Variants in EXOC3L2 observed in about 807,000 individuals in gnomAD.
The protein encoded by EXOC3L2 is exocyst complex component 3 like 2, also known as exocyst complex component 3-like protein 2.
Under a neutral mutation model 44.4 loss-of-function variants are expected in EXOC3L2, and 17 were observed. That is an observed-to-expected ratio of 0.38 (90% CI 0.26 to 0.57). The LOEUF is 0.57. Among genes scored for constraint, EXOC3L2 ranks in the 20% least tolerant of loss-of-function variants. EXOC3L2 has a pLI of 0.65. For missense variants in EXOC3L2, 541 were observed against 588.4 expected (o/e 0.92, Z 0.83); for synonymous variants, 256 against 253.7 (o/e 1.01, Z -0.09).
chr19:45,241,739 C>T (rs1970133610), intron 1 of EXOC3L2, among the ~76,000 whole-genome samples: 1 of 152,188 alleles, frequency 6.6e-6, no homozygotes, highest in Non-Finnish European at 1.5e-5. Flanking sequence ...ACTCACACTT[C>T]AGGACTCAGC....
intron 8 of EXOC3L2, among the ~76,000 whole-genome samples, chr19:45,222,295 G>T (rs1206540589): frequency 6.7e-6 from 1 of 148,852 alleles, no homozygotes; most frequent in African/African-American, 2.5e-5. Context: ...TGCCTCCCAC[G>T]TTCAAGCGAT....
intron 8 of EXOC3L2, 67 bp from the exon 9 acceptor site, chr19:45,218,386 G>C: frequency 1.5e-6 from 2 of 1,370,298 alleles, no homozygotes; most frequent in Non-Finnish European, 9.6e-7. Context: ...TTAGGAATAA[G>C]TTCCTGCAAC....
chr19:45,213,085 G>A lies in EXOC3L2; in HGVS notation c.2393C>T (p.Pro798Leu). ...PRPRPPSLAR[P>L]RAQR ...GGGTGACCCTCAGCGCTGGGCCCGA[G>A]GTCGCGCTAGAGACGGAGGCCGGGG... Residue 798 changes from proline to leucine, a missense_variant, in exon 12 of 12, where the codon CCT (proline) becomes CTT (leucine). Transcript: ENST00000413988. The A allele has an allele frequency of 6.6e-7, 1 of 1,509,202 alleles. No individual in the cohort carries two copies. The highest frequency in any genetic ancestry group is 8.8e-7 in the Non-Finnish European group (1 of 1,134,168). The allele number at this position is 1,509,202 out of a possible 1,614,324, so 93.5% of individuals were successfully genotyped here.
Position 45,227,967 on chromosome 19 carries a change from C to A in EXOC3L2, c.1472+7G>T. Reference sequence around the variant, plus strand: ...CAGAGCTAACCTGTGCTCCCAGGTTCCCCTACCTCTGCAGGAACTCTGCCA... The same window carrying A: ...CAGAGCTAACCTGTGCTCCCAGGTTACCCTACCTCTGCAGGAACTCTGCCA... On this transcript the variant is annotated splice_region_variant and intron_variant, in intron 6 of 11. Transcript: ENST00000413988. The A allele has an allele frequency of 6.2e-7, 1 of 1,612,888 alleles. No individual in the cohort carries two copies. The highest frequency in any genetic ancestry group is 8.5e-7 in the Non-Finnish European group (1 of 1,179,764).
At chr19:45,229,935 TGTATAC>T (rs1247008507) in intron 4 of EXOC3L2, among the ~76,000 whole-genome samples, 1 of 149,090 alleles carries the variant, frequency 6.7e-6, no homozygotes, top group Admixed American at 6.7e-5. Flanking sequence ...TATGTTAATA[TGTATAC>T]ACAAATAATG....
rs1216091972 is a variant in EXOC3L2, at chr19:45,234,992, G to A, written c.524-166C>T. Among the ~76,000 whole-genome samples the A allele has an allele frequency of 6.6e-6, 1 of 152,092 alleles. No individual in the cohort carries two copies. Among genetic ancestry groups the A allele is most frequent in the Non-Finnish European group, 1.5e-5 (1 of 68,030 alleles). ...AGCCCGGAGAAGAGCAAGAAAGAAG[G>A]ATGTTGAGTGAAGGATGTAGGGGAG... On this transcript the variant is annotated intron_variant, in intron 2 of 11. Coordinates refer to ENST00000413988, the MANE Select transcript of EXOC3L2 (RefSeq NM_001382422.1). The surrounding 1 kb of genome is among the most constrained non-coding windows in gnomAD (Gnocchi z 5.0).
chr19:45,224,178 G>T (rs1969929399), intron 8 of EXOC3L2, among the ~76,000 whole-genome samples: 1 of 150,754 alleles, frequency 6.6e-6, no homozygotes, highest in Admixed American at 6.6e-5. Context: ...AGTGGGGGGA[G>T]GGTGGCGGGC....
intron 2 of EXOC3L2, among the ~76,000 whole-genome samples, chr19:45,237,368 A>G (rs113323667): frequency 0.069 from 10,507 of 151,968 alleles, 1,226 homozygotes; most frequent in African/African-American, 0.24. Flanking sequence ...AGGTGTGATC[A>G]TATGTGCCTG....
intron 1 of EXOC3L2, among the ~76,000 whole-genome samples, chr19:45,244,961 C>G (rs1311344006): frequency 1.3e-5 from 2 of 151,838 alleles, no homozygotes; most frequent in Non-Finnish European, 2.9e-5. Flanking sequence ...CTCCGAGACC[C>G]CATCTCTTGG....
rs1425823868 is a variant in EXOC3L2 at position 45,218,046 on chromosome 19, G to A, written c.1842+151C>T. The stretch of plus-strand genomic sequence containing the variant: ...GCAGGGGCCACCTCTCCCATCCACA[G>A]GGAGCCGCTCCCCACCTTAGAGGGG... On this transcript the variant is annotated intron_variant, in intron 9 of 11. Transcript: ENST00000413988. 16 of 1,137,422 alleles carry A rather than the reference G, an allele frequency of 1.4e-5. No homozygotes were observed. The Middle Eastern group carries it at 9.2e-4, about 66-fold the overall frequency. The allele number at this position is 1,137,422 out of a possible 1,614,324, so 70.5% of individuals were successfully genotyped here. A position where few individuals can be genotyped will look rare whatever the true frequency, so the allele number is the denominator to read the frequency against.
intron 11 of EXOC3L2, among the ~76,000 whole-genome samples, chr19:45,214,619 C>T (rs1332387557): frequency 5.3e-5 from 8 of 151,934 alleles, no homozygotes; most frequent in African/African-American, 1.9e-4. Flanking sequence ...AGTGTGCCAT[C>T]ACACCTGGCT....
At chr19:45,236,589 A>T (rs1045183117) in intron 2 of EXOC3L2, among the ~76,000 whole-genome samples, 1 of 151,406 alleles carries the variant, frequency 6.6e-6, no homozygotes, top group South Asian at 2.1e-4. Flanking sequence ...GGGGTTTAGG[A>T]CTGGGACTCA....
intron 9 of EXOC3L2, 91 bp from the exon 10 acceptor site, chr19:45,217,774 C>A: frequency 1.5e-6 from 2 of 1,348,322 alleles, no homozygotes; most frequent in South Asian, 3.4e-5. Context: ...GCCCCACTCG[C>A]CCACATCCAC....
At chr19:45,232,876 G>C (rs192803988) in intron 3 of EXOC3L2, among the ~76,000 whole-genome samples, 1 of 152,010 alleles carries the variant, frequency 6.6e-6, no homozygotes, top group Admixed American at 6.6e-5. Flanking sequence ...TCAGGAGTTC[G>C]ACACCAGCCT....
rs1969795601 is a variant in EXOC3L2 at position 45,213,179 on chromosome 19, G to A, written c.2299C>T (p.Leu767Phe). ...GGGAGGCGGCCCAGGAAGAGAGGGAGGCTGAGACAGAAAGATGGGCGGGGC... is the reference window on the plus strand; with the variant it reads ...GGGAGGCGGCCCAGGAAGAGAGGGAAGCTGAGACAGAAAGATGGGCGGGGC... ...PVPRPSFCLS[L>F]PLFLGRLPLS... Residue 767 changes from leucine to phenylalanine, a missense_variant, in exon 12 of 12, where the codon CTC becomes TTC. Coordinates refer to ENST00000413988, the MANE Select transcript of EXOC3L2 (RefSeq NM_001382422.1). 2 of 1,605,042 alleles carry A rather than the reference G, an allele frequency of 1.2e-6. No homozygotes were observed. Among genetic ancestry groups the A allele is most frequent in the African/African-American group, 1.3e-5 (1 of 74,608 alleles).
chr19:45,240,659 G>A (rs954482759), intron 1 of EXOC3L2, among the ~76,000 whole-genome samples: 5 of 152,168 alleles, frequency 3.3e-5, no homozygotes, highest in Admixed American at 2.6e-4. Flanking sequence ...ACTTTGGGAG[G>A]TGGAGGCAGG....
Position 45,244,120 on chromosome 19 carries a change from C to T in EXOC3L2, c.-17+1221G>A, listed in dbSNP as rs145753574. On this transcript the variant is annotated intron_variant, in intron 1 of 11. Transcript: ENST00000413988. ...TGTATTTTTAGTAGAGATGAGGTTT[C>T]GCCCTGTTGCCCAGGTTGGTCAACT... 4.2e-3 allele frequency among the ~76,000 whole-genome samples: 634 copies of T among 151,880 alleles called. 2 individuals carry two copies. The highest frequency in any genetic ancestry group is 0.014 in the African/African-American group (600 of 41,382).
At chr19:45,232,746 G>A (rs567653260) in intron 3 of EXOC3L2, among the ~76,000 whole-genome samples, 4 of 152,234 alleles carry the variant, frequency 2.6e-5, no homozygotes, top group South Asian at 2.1e-4. Context: ...GGTTCTGGGT[G>A]CTACCCTTAT....
At chr19:45,226,275 G>A (rs346764) in intron 7 of EXOC3L2, among the ~76,000 whole-genome samples, 33,663 of 151,926 alleles carry the variant, frequency 0.22, 7,023 homozygotes, top group African/African-American at 0.55. Flanking sequence ...TTCTCCATTC[G>A]GCAATGGAAG....
Sources: allele counts gnomAD v4.1 joint callset (sites outside exome capture counted in the v4.1 genomes callset), GRCh38; gene constraint gnomAD v4.1.1; non-coding constraint Gnocchi (gnomAD v3.1); transcripts MANE v1.5; gene names NCBI Gene and HGNC (gene_info 2026-07-23, HGNC 2026-07-21).